The following THEMIS variants were observed in gnomAD, a reference collection of about 807,000 sequenced individuals.
THEMIS encodes the protein thymocyte selection associated, also known as protein THEMIS.
A neutral mutation model predicts 52.6 loss-of-function variants in THEMIS; 37 were observed. That is an observed-to-expected ratio of 0.70 (90% CI 0.54 to 0.93). THEMIS has a LOEUF of 0.93. THEMIS is among the 40% of genes least tolerant of loss of function. THEMIS has a pLI of 0.00. For missense variants in THEMIS, 808 were observed against 763.1 expected (o/e 1.06, Z -0.69); for synonymous variants, 292 against 272.7 (o/e 1.07, Z -0.70).
intron 2 of THEMIS, among the ~76,000 whole-genome samples, chr6:127,840,651 G>T (rs1374092615): frequency 6.6e-6 from 1 of 152,058 alleles, no homozygotes; most frequent in African/African-American, 2.4e-5. Context: ...TCCTGCACAT[G>T]AATGTTTATA....
chr6:127,754,175 A>G (rs542483875), intron 4 of THEMIS, among the ~76,000 whole-genome samples: 8 of 152,320 alleles, frequency 5.3e-5, no homozygotes, highest in East Asian at 1.9e-4. Flanking sequence ...AGTAGTCACA[A>G]CTTACAAAAG....
chr6:127,706,560 T>C (rs2114437037), downstream of THEMIS, among the ~76,000 whole-genome samples: 1 of 152,036 alleles, frequency 6.6e-6, no homozygotes, highest in South Asian at 2.1e-4. Context: ...CAGAAACCAA[T>C]AAGAAATCCT....
rs529366362 is a variant in THEMIS, at chr6:127,813,981, T to C, written c.710-50A>G. 189 of 1,427,290 alleles carry C rather than the reference T, an allele frequency of 1.3e-4. 1 individual carries two copies. The South Asian group carries it at 2.6e-3, about 20-fold the overall frequency. The allele number at this position is 1,427,290 out of a possible 1,614,324, so 88.4% of individuals were successfully genotyped here. ...TGATATTTTTGTACTTCAAAACGTTTGCTGTGAGATACTCTCCTGATGCCA... is the reference window on the plus strand; with the variant it reads ...TGATATTTTTGTACTTCAAAACGTTCGCTGTGAGATACTCTCCTGATGCCA... On this transcript the variant is annotated intron_variant, in intron 3 of 5. Coordinates refer to ENST00000368248, the MANE Select transcript of THEMIS (RefSeq NM_001010923.3).
At chr6:127,770,459 T>C (rs1352374968) in intron 4 of THEMIS, among the ~76,000 whole-genome samples, 2 of 152,234 alleles carry the variant, frequency 1.3e-5, no homozygotes, top group East Asian at 3.8e-4. Flanking sequence ...TGCCCACTTT[T>C]TGATGGGGTT....
chr6:127,782,418 C>T (rs1197115148), intron 4 of THEMIS, among the ~76,000 whole-genome samples: 1 of 152,104 alleles, frequency 6.6e-6, no homozygotes, highest in African/African-American at 2.4e-5. Context: ...AACCCAGGGC[C>T]CTAGTGGTGT....
intron 4 of THEMIS, among the ~76,000 whole-genome samples, chr6:127,787,243 C>A (rs897083818): frequency 5.3e-5 from 8 of 152,008 alleles, no homozygotes; most frequent in African/African-American, 1.7e-4. Context: ...ATCTTTGTCT[C>A]TTTCCTGCAC....
chr6:127,714,736 C>T (rs1210926428), intron 5 of THEMIS, among the ~76,000 whole-genome samples: 1 of 151,872 alleles, frequency 6.6e-6, no homozygotes, highest in Non-Finnish European at 1.5e-5. Flanking sequence ...TACCATCCCC[C>T]AGCACCTCAT....
chr6:127,734,896 AAT>A (rs1295073194), intron 4 of THEMIS, among the ~76,000 whole-genome samples: 1,711 of 65,456 alleles, frequency 0.026, 95 homozygotes, highest in African/African-American at 0.077. Context: ...AAAAAAAAAA[AAT>A]ATATATATAT....
At chr6:127,879,398 G>A (rs966996888) in intron 1 of THEMIS, among the ~76,000 whole-genome samples, 1 of 152,062 alleles carries the variant, frequency 6.6e-6, no homozygotes, top group Admixed American at 6.5e-5. Flanking sequence ...CTCAAAGAGT[G>A]TCAGCTGGAT....
intron 1 of THEMIS, among the ~76,000 whole-genome samples, chr6:127,906,069 T>C (rs1477477171): frequency 2.0e-5 from 3 of 151,014 alleles, no homozygotes; most frequent in Non-Finnish European, 3.0e-5. Flanking sequence ...AGTTTAATAG[T>C]TCAAGTAATA....
chr6:127,757,485 T>C (rs1019854197), intron 4 of THEMIS, among the ~76,000 whole-genome samples: 2 of 152,078 alleles, frequency 1.3e-5, no homozygotes, highest in Non-Finnish European at 2.9e-5. Context: ...ATGTCACTTT[T>C]TTTTTTTTCT....
intron 4 of THEMIS, among the ~76,000 whole-genome samples, chr6:127,734,302 A>C (rs1252078831): frequency 2.0e-5 from 3 of 152,184 alleles, no homozygotes; most frequent in Admixed American, 6.5e-5. Context: ...ATTTTAGAGT[A>C]GGGATTTGCT....
chr6:127,795,493 TA>T (rs1777298997), intron 4 of THEMIS, among the ~76,000 whole-genome samples: 1 of 152,148 alleles, frequency 6.6e-6, no homozygotes, highest in African/African-American at 2.4e-5. Flanking sequence ...CACACCCGGC[TA>T]ATTTTTTGTA....
intron 1 of THEMIS, among the ~76,000 whole-genome samples, chr6:127,882,913 A>G (rs960803114): frequency 6.6e-6 from 1 of 151,966 alleles, no homozygotes; most frequent in Non-Finnish European, 1.5e-5. Flanking sequence ...TGGGCATTAA[A>G]GTAGGCATGA....
chr6:127,868,389 G>A (rs1004355476), intron 1 of THEMIS: 6 of 973,340 alleles, frequency 6.2e-6, no homozygotes, highest in Admixed American at 6.2e-5. Context: ...TATTTTCTTT[G>A]CCAATATTTC....
intron 4 of THEMIS, among the ~76,000 whole-genome samples, chr6:127,803,304 C>A (rs1370125501): frequency 2.6e-5 from 4 of 152,050 alleles, no homozygotes; most frequent in African/African-American, 7.2e-5. Flanking sequence ...GTTTTAGAAC[C>A]TTTTCATCAC....
chr6:127,728,859 A>C (rs1176949219), intron 4 of THEMIS, among the ~76,000 whole-genome samples: 2 of 152,196 alleles, frequency 1.3e-5, no homozygotes, highest in Non-Finnish European at 2.9e-5. Context: ...TTGCAATTTT[A>C]GATAGTTTGA....
At chr6:127,777,994 C>A (rs891147633) in intron 4 of THEMIS, among the ~76,000 whole-genome samples, 4 of 152,080 alleles carry the variant, frequency 2.6e-5, no homozygotes, top group Non-Finnish European at 5.9e-5. Flanking sequence ...AAGGCTGGAC[C>A]TTGACAAATG....
At chr6:127,827,092 C>G (rs1041178310) in intron 3 of THEMIS, among the ~76,000 whole-genome samples, 4 of 152,046 alleles carry the variant, frequency 2.6e-5, no homozygotes, top group Non-Finnish European at 5.9e-5. Context: ...TCATCTTGCT[C>G]TTTCCCCTAA....
Sources: allele counts gnomAD v4.1 joint callset (sites outside exome capture counted in the v4.1 genomes callset), GRCh38; gene constraint gnomAD v4.1.1; transcripts MANE v1.5; gene names NCBI Gene and HGNC (gene_info 2026-07-23, HGNC 2026-07-21).